Variants in CD44 observed in about 807,000 individuals in gnomAD.
CD44 encodes the protein CD44 molecule (IN blood group), also known as CD44 antigen.
A neutral mutation model predicts 88.8 loss-of-function variants in CD44; 49 were observed. That is an observed-to-expected ratio of 0.55 (90% CI 0.44 to 0.70). The LOEUF (loss-of-function observed/expected upper bound fraction) is 0.70. Ranked by LOEUF, CD44 falls within the 30% of genes least tolerant of loss-of-function variation. The probability of loss-of-function intolerance (pLI) is 0.00; values close to 1 mark genes in which losing one functional copy is unlikely to be tolerated. For missense variants in CD44, 883 were observed against 913.8 expected, an observed-to-expected ratio of 0.97 and a Z score of 0.43; for synonymous variants, 325 against 312.3, an observed-to-expected ratio of 1.04 and a Z score of -0.43.
rs540827504 is a variant in CD44, at chr11:35,222,443, T to C, written c.2024+711T>C. The C allele has an allele frequency of 3.0e-4, 388 of 1,282,510 alleles. 12 individuals carry two copies. In the South Asian group the frequency reaches 4.8e-3, roughly 16 times the overall value. The allele number at this position is 1,282,510 out of a possible 1,614,324, so 79.4% of individuals were successfully genotyped here. On this transcript the variant is annotated intron_variant, in intron 17 of 17. Transcript: ENST00000428726. ...CGTCTTCTTGCTGTTAGGAGGTCTA[T>C]GAAGCAGAGAAGAACTTTCCTTTGG...
intron 2 of CD44, 47 bp from the exon 3 acceptor site, chr11:35,180,227 C>T: frequency 6.3e-7 from 1 of 1,599,360 alleles, no homozygotes; most frequent in East Asian, 2.2e-5. Context: ...TTATGAAATT[C>T]CCATCTTAGC....
Position 35,180,256 on chromosome 11 carries a change from G to A in CD44, c.234-18G>A, listed in dbSNP as rs761512675. On this transcript the variant is annotated intron_variant, in intron 2 of 17. Coordinates refer to ENST00000428726, the MANE Select transcript of CD44 (RefSeq NM_000610.4). ...TCTTAGCCATTTAGGTCAATATCCT[G>A]TTGTTTTTCTCTTACAGGTATGGGT... The A allele has an allele frequency of 3.7e-6, 6 of 1,613,690 alleles. No individual in the cohort carries two copies. The highest frequency in any genetic ancestry group is 4.2e-6 in the Non-Finnish European group (5 of 1,179,690).
intron 1 of CD44, among the ~76,000 whole-genome samples, chr11:35,173,301 CAAG>C (rs1944110979): frequency 2.0e-5 from 3 of 152,180 alleles, no homozygotes; most frequent in Admixed American, 1.3e-4. Context: ...GTGTGCTGGA[CAAG>C]GAGAGGCCCC....
chr11:35,228,700 A>G (rs1949886897), intron 17 of CD44, among the ~76,000 whole-genome samples: 1 of 152,194 alleles, frequency 6.6e-6, no homozygotes, highest in Non-Finnish European at 1.5e-5. Context: ...TATAGAGAAT[A>G]TAATAATAAC....
Position 35,139,247 on chromosome 11 carries a change from C to G in CD44, c.-57C>G, listed in dbSNP as rs1208586248. 5.6e-6 allele frequency: 8 copies of G among 1,418,924 alleles called. No homozygotes were observed. The highest frequency in any genetic ancestry group is 1.2e-5 in the South Asian group (1 of 81,352). 87.9% of individuals were successfully genotyped at this position (1,418,924 alleles called of 1,614,324 possible). A position where few individuals can be genotyped will look rare whatever the true frequency, so the allele number is the denominator to read the frequency against. Reference sequence around the variant, plus strand: ...TCCCGTCCTCCGCCGGCCCCTGCCCCGCGCCCAGGGATCCTCCAGCTCCTT... The same window carrying G: ...TCCCGTCCTCCGCCGGCCCCTGCCCGGCGCCCAGGGATCCTCCAGCTCCTT... On this transcript the variant is annotated 5_prime_UTR_variant, in exon 1 of 18. Transcript: ENST00000428726.
chr11:35,186,455 A>G (rs1185505237), intron 3 of CD44, among the ~76,000 whole-genome samples: 2 of 152,196 alleles, frequency 1.3e-5, no homozygotes, highest in Admixed American at 6.5e-5. Context: ...TTCCTGCATT[A>G]CTTTTGTAAT....
Position 35,229,124 on chromosome 11 carries a change from A to T in CD44, c.2025-5A>T, listed in dbSNP as rs1048730439. The T allele has an allele frequency of 1.5e-5, 24 of 1,609,438 alleles. No homozygotes were observed. Among genetic ancestry groups the T allele is most frequent in the Non-Finnish European group, 2.0e-5 (24 of 1,177,752 alleles). On this transcript the variant is annotated splice_region_variant and splice_polypyrimidine_tract_variant and intron_variant, in intron 17 of 17. Coordinates refer to ENST00000428726, the MANE Select transcript of CD44 (RefSeq NM_000610.4). ...TCTGATATGGTACATTTTTTAAATT[A>T]TTAGGTGTGGGCAGAAGAAAAAGCT... is the stretch of plus-strand genomic sequence containing the variant.
chr11:35,226,880 C>CTTTT (rs367551052), intron 17 of CD44, among the ~76,000 whole-genome samples: 54 of 106,182 alleles, frequency 5.1e-4, no homozygotes, highest in African/African-American at 1.5e-3. Context: ...TTCTTTTTTC[C>CTTTT]TTTTTTTTTT....
At chr11:35,216,912 A>G (rs1547059) in intron 15 of CD44, among the ~76,000 whole-genome samples, 109,809 of 152,144 alleles carry the variant, frequency 0.72, 39,936 homozygotes, top group East Asian at 0.99. Flanking sequence ...GCACATTAAA[A>G]TTTGGAAGCT....
Position 35,175,044 on chromosome 11 carries a change from TG to T in CD44, c.68-1530del, listed in dbSNP as rs150236572. Among the ~76,000 whole-genome samples, 1,484 of 152,038 alleles carry T rather than the reference TG, an allele frequency of 9.8e-3. 14 individuals are homozygous for T. The highest frequency in any genetic ancestry group is 0.034 in the African/African-American group (1,427 of 41,448). ...GGGTGTTTAGGGAAGCACTCTAAAG[TG>T]AGGTGACGTGGAGTTAAAATTCTGA... On this transcript the variant is annotated intron_variant, in intron 1 of 17. Coordinates refer to ENST00000428726, the MANE Select transcript of CD44 (RefSeq NM_000610.4).
chr11:35,157,359 C>CTATCTATT (rs1565024873), intron 1 of CD44, among the ~76,000 whole-genome samples: 1 of 151,462 alleles, frequency 6.6e-6, no homozygotes, highest in Non-Finnish European at 1.5e-5. Context: ...ATCTATCTAT[C>CTATCTATT]TATCTATCAT....
At chr11:35,150,144 C>A (rs1860026910) in intron 1 of CD44, among the ~76,000 whole-genome samples, 1 of 152,212 alleles carries the variant, frequency 6.6e-6, no homozygotes, top group Non-Finnish European at 1.5e-5. Flanking sequence ...ACTCTCAGAG[C>A]TTCATGAGCA....
At chr11:35,221,873 A>T in intron 17 of CD44, 141 bp downstream of exon 17, 1 of 744,280 alleles carries the variant, frequency 1.3e-6, no homozygotes, top group Non-Finnish European at 2.4e-6. Flanking sequence ...ACAATCTCAG[A>T]CCCAACCCCA....
chr11:35,211,325 T>C lies in CD44; in HGVS notation c.1686T>C (p.Ser562=), dbSNP rs146800213. The change falls in exon 14 of 18, where the codon TCT becomes TCC. Residue 562 remains serine, a synonymous_variant. Coordinates refer to ENST00000428726, the MANE Select transcript of CD44 (RefSeq NM_000610.4). ...GSTTLLEGYT[S]HYPHTKESRT... is the part of the protein sequence containing the mutation. Reference sequence around the variant, plus strand: ...CTACTTTACTGGAAGGTTATACCTCTCATTACCCACACACGAAGGAAAGCA... The same window carrying C: ...CTACTTTACTGGAAGGTTATACCTCCCATTACCCACACACGAAGGAAAGCA... The C allele has an allele frequency of 1.5e-5, 24 of 1,613,924 alleles. No individual in the cohort carries two copies. The African/African-American group carries it at 3.1e-4, about 21-fold the overall frequency.
chr11:35,159,071 A>C (rs1942271893), intron 1 of CD44, among the ~76,000 whole-genome samples: 1 of 152,170 alleles, frequency 6.6e-6, no homozygotes, highest in Admixed American at 6.5e-5. Context: ...CTCTTTCCAG[A>C]GGCAGTTTAA....
intron 1 of CD44, among the ~76,000 whole-genome samples, chr11:35,168,920 G>A (rs1943583901): frequency 6.6e-6 from 1 of 152,218 alleles, no homozygotes; most frequent in African/African-American, 2.4e-5. Context: ...TGCACATTCA[G>A]ACAGACAAAG....
chr11:35,156,978 G>T (rs1163393175), intron 1 of CD44, among the ~76,000 whole-genome samples: 1 of 152,158 alleles, frequency 6.6e-6, no homozygotes, highest in Non-Finnish European at 1.5e-5. Flanking sequence ...AGGTTACACT[G>T]AGCTAAGATT....
intron 1 of CD44, among the ~76,000 whole-genome samples, chr11:35,159,336 T>C (rs1008200915): frequency 2.0e-5 from 3 of 152,230 alleles, no homozygotes; most frequent in African/African-American, 7.2e-5. Flanking sequence ...TGAGTAAGGC[T>C]TTTGCACCTT....
Position 35,209,974 on chromosome 11 carries a change from A to G in CD44, c.1526A>G (p.Asn509Ser). The change falls in exon 13 of 18, where the codon AAT becomes AGT. Residue 509 changes from asparagine (N) to serine (S), a missense_variant. Asn to Ser is a conservative substitution (Grantham distance 46). Transcript: ENST00000428726. ...TTCCTCATTGAAACAGAGCAGAGTA[A>G]TTCTCAGAGCTTCTCTACATCACAT... is the stretch of plus-strand genomic sequence containing the variant. The part of the protein sequence containing the change: ...GPLSMTTQQS[N>S]SQSFSTSHEG... The G allele has an allele frequency of 2.5e-6, 4 of 1,575,260 alleles. No homozygotes were observed. The African/African-American group carries it at 4.1e-5, about 16-fold the overall frequency.
Sources: gnomAD v4.1 joint callset for allele counts (sites outside exome capture counted in the v4.1 genomes callset) on GRCh38, gnomAD v4.1.1 for gene constraint, MANE v1.5 for transcripts, NCBI Gene and HGNC (gene_info 2026-07-23, HGNC 2026-07-21) for gene names.